The following COASY variants were observed in gnomAD, a reference collection of about 807,000 sequenced individuals.
COASY encodes the protein bifunctional coenzyme A synthase.
Under a neutral mutation model 49.4 loss-of-function variants are expected in COASY, and 31 were observed. The observed-to-expected ratio is 0.63, with a 90% CI of 0.47 to 0.85. The LOEUF (loss-of-function observed/expected upper bound fraction) is 0.85. Among genes scored for constraint, COASY ranks in the 40% least tolerant of loss-of-function variants. The pLI is 0.00. For missense variants in COASY, 730 were observed against 734.1 expected (o/e 0.99, Z 0.06); for synonymous variants, 285 against 310.9 (o/e 0.92, Z 0.88).
chr17:42,565,079 C>G (rs371486284), intron 5 of COASY, 32 bp downstream of exon 5: 36 of 1,609,202 alleles, frequency 2.2e-5, no homozygotes, highest in Non-Finnish European at 3.1e-5. Flanking sequence ...GCTCCTAAGC[C>G]GCTACTAGAC....
chr17:42,562,961 C>T lies in COASY; in HGVS notation c.339C>T (p.Val113=). The change falls in exon 1 of 9, where the codon GTC becomes GTT. Residue 113 remains valine, a synonymous_variant. Coordinates refer to ENST00000393818, the MANE Select transcript of COASY (RefSeq NM_025233.7). ...AGAATCTCGCCCACCCGCCAGAAGT[C>T]GTGTTGACAGATTTCCAGACCCTGG... ...SVQNLAHPPE[V]VLTDFQTLDG... 6.2e-7 allele frequency: 1 copy of T among 1,614,042 alleles called. No homozygotes were observed. The highest frequency in any genetic ancestry group is 1.1e-5 in the South Asian group (1 of 91,088).
intron 1 of COASY, chr17:42,563,717 C>A (rs186871565): frequency 2.4e-5 from 13 of 545,982 alleles, no homozygotes; most frequent in Non-Finnish European, 4.2e-5. Context: ...TGGCACTGCT[C>A]GTTCTCTGGA....
chr17:42,564,273 G>C, intron 2 of COASY, 98 bp downstream of exon 2: 1 of 1,457,498 alleles, frequency 6.9e-7, no homozygotes, highest in Non-Finnish European at 9.5e-7. Flanking sequence ...GAGGAGAGAA[G>C]TGGGGGCTCA....
At position 42,564,501 on chromosome 17, in the gene COASY, C is replaced by T. The variant is rs142799649; in HGVS notation, c.971C>T (p.Thr324Ile). Reference protein sequence around the residue: ...QIQLLKDLRHTENEEDKVSSS... With the variant: ...QIQLLKDLRHIENEEDKVSSS... ...CAGCTGCTGAAGGACCTCAGACATACAGAGAATGAAGAGGACAAAGTCAGC... is the reference window on the plus strand; with the variant it reads ...CAGCTGCTGAAGGACCTCAGACATATAGAGAATGAAGAGGACAAAGTCAGC... The change falls in exon 3 of 9, where the codon ACA (threonine) becomes ATA (isoleucine). Residue 324 changes from threonine to isoleucine, a missense_variant. Thr to Ile is a moderately conservative substitution (Grantham distance 89). Coordinates refer to ENST00000393818, the MANE Select transcript of COASY (RefSeq NM_025233.7). 18 of 1,613,370 alleles carry T rather than the reference C, an allele frequency of 1.1e-5. No homozygotes were observed. In the African/African-American group the frequency reaches 1.7e-4, roughly 16 times the overall value.
At position 42,564,515 on chromosome 17, in the gene COASY, G is replaced by A. The variant is rs775808304; in HGVS notation, c.985G>A (p.Asp329Asn). The change falls in exon 3 of 9, where the codon GAC becomes AAC. Residue 329 changes from aspartate to asparagine, a missense_variant. Transcript: ENST00000393818. The part of the protein sequence containing the change: ...KDLRHTENEE[D>N]KVSSSSFRQR... ...CCTCAGACATACAGAGAATGAAGAG[G>A]ACAAAGTCAGCTCCTCCAGCTTCCG... The A allele has an allele frequency of 1.9e-6, 3 of 1,613,242 alleles. No individual in the cohort carries two copies. Among genetic ancestry groups the A allele is most frequent in the South Asian group, 2.2e-5 (2 of 90,970 alleles).
At position 42,565,252 on chromosome 17, in the gene COASY, T is replaced by C. The variant is rs1045939293; in HGVS notation, c.1328T>C (p.Ile443Thr). 13 of 1,613,930 alleles carry C rather than the reference T, an allele frequency of 8.1e-6. No individual in the cohort carries two copies. The highest frequency in any genetic ancestry group is 1.7e-5 in the Admixed American group (1 of 59,994). Residue 443 changes from isoleucine (I) to threonine (T), a missense_variant, in exon 6 of 9, where the codon ATT becomes ACT. Coordinates refer to ENST00000393818, the MANE Select transcript of COASY (RefSeq NM_025233.7). ...NKKQLKILTD[I>T]MWPIIAKLAR... ...AAGCAGCTGAAGATACTCACGGACATTATGTGGCCAATTATCGCAAAGCTG... is the reference window on the plus strand; with the variant it reads ...AAGCAGCTGAAGATACTCACGGACACTATGTGGCCAATTATCGCAAAGCTG...
At chr17:42,563,390 G>A in intron 1 of COASY, 68 bp downstream of exon 1, 5 of 1,418,876 alleles carry the variant, frequency 3.5e-6, no homozygotes, top group Non-Finnish European at 4.7e-6. Context: ...CCCTTATGCC[G>A]AGATCAAGGA....
chr17:42,565,280 C>G lies in COASY; in HGVS notation c.1356C>G (p.Ala452=). ...TGTGGCCAATTATCGCAAAGCTGGCCCGAGAGGAGATGGATCGGGCTGTGG... is the reference window on the plus strand; with the variant it reads ...TGTGGCCAATTATCGCAAAGCTGGCGCGAGAGGAGATGGATCGGGCTGTGG... ...DIMWPIIAKL[A]REEMDRAVAE... is the part of the protein sequence containing the mutation. Residue 452 remains alanine (A), a synonymous_variant, in exon 6 of 9, where the codon GCC becomes GCG. Coordinates refer to ENST00000393818, the MANE Select transcript of COASY (RefSeq NM_025233.7). 6.2e-7 allele frequency: 1 copy of G among 1,614,078 alleles called. No homozygotes were observed. The highest frequency in any genetic ancestry group is 8.5e-7 in the Non-Finnish European group (1 of 1,180,012).
At position 42,562,148 on chromosome 17, in the gene COASY, G is replaced by T; in HGVS notation, c.-475G>T. ...CGTAGTTCCGAGTTGCGGTTTCTCCGTTAGTGCTTCCGGGTTGCAGCCAGG... is the reference window on the plus strand; with the variant it reads ...CGTAGTTCCGAGTTGCGGTTTCTCCTTTAGTGCTTCCGGGTTGCAGCCAGG... On this transcript the variant is annotated 5_prime_UTR_variant, in exon 1 of 9. Transcript: ENST00000393818. 4.2e-6 allele frequency: 2 copies of T among 476,310 alleles called. No homozygotes were observed. The highest frequency in any genetic ancestry group is 7.5e-6 in the Non-Finnish European group (2 of 267,602). The allele number at this position is 476,310 out of a possible 1,614,324, so 29.5% of individuals were successfully genotyped here.
At position 42,562,292 on chromosome 17, in the gene COASY, G is replaced by A; in HGVS notation, c.-331G>A. 1.2e-6 allele frequency: 1 copy of A among 853,986 alleles called. No homozygotes were observed. The highest frequency in any genetic ancestry group is 1.9e-6 in the Non-Finnish European group (1 of 523,890). The allele number at this position is 853,986 out of a possible 1,614,324, so 52.9% of individuals were successfully genotyped here. On this transcript the variant is annotated 5_prime_UTR_variant, in exon 1 of 9. Transcript: ENST00000393818. ...TCTTCGATTCCTTGAAGACCCTGGT[G>A]CAGCTTAGCAAGAGGGCCCAGGATT...
chr17:42,564,285 G>T, intron 2 of COASY, 110 bp downstream of exon 2: 1 of 1,451,576 alleles, frequency 6.9e-7, no homozygotes, highest in South Asian at 1.2e-5. Context: ...GGGGGCTCAG[G>T]GTGGTGGGAA....
Position 42,562,693 on chromosome 17 carries a change from C to T in COASY, c.71C>T (p.Ser24Phe), listed in dbSNP as rs755132109. Residue 24 changes from serine (S) to phenylalanine (F), a missense_variant, in exon 1 of 9, where the codon TCC becomes TTC. Transcript: ENST00000393818. The part of the protein sequence containing the change: ...PLASLAPRLA[S>F]ILTSAARLVN... ...GCCTCCCTAGCCCCTCGCCTGGCCTCCATCCTGACCTCGGCGGCCCGGCTG... is the reference window on the plus strand; with the variant it reads ...GCCTCCCTAGCCCCTCGCCTGGCCTTCATCCTGACCTCGGCGGCCCGGCTG... 1 of 1,558,216 alleles carries T rather than the reference C, an allele frequency of 6.4e-7. No individual in the cohort carries two copies. Among genetic ancestry groups the T allele is most frequent in the South Asian group, 1.2e-5 (1 of 85,054 alleles).
In COASY at chr17:42,562,379, T is replaced by A; in HGVS notation, c.-244T>A. 2 of 1,606,362 alleles carry A rather than the reference T, an allele frequency of 1.2e-6. No individual in the cohort carries two copies. Among genetic ancestry groups the A allele is most frequent in the Non-Finnish European group, 1.7e-6 (2 of 1,173,576 alleles). On this transcript the variant is annotated 5_prime_UTR_variant, in exon 1 of 9. Coordinates refer to ENST00000393818, the MANE Select transcript of COASY (RefSeq NM_025233.7). ...AGTTTCCCCCTCCCAGGATTTCGACTCAGTTCAGCGAAGTCACCGCCCCGT... is the reference window on the plus strand; with the variant it reads ...AGTTTCCCCCTCCCAGGATTTCGACACAGTTCAGCGAAGTCACCGCCCCGT...
rs879745530 is a variant in COASY, at chr17:42,563,810, C to T, written c.701-151C>T. The T allele has an allele frequency of 5.7e-5, 35 of 617,124 alleles. No individual in the cohort carries two copies. In the Admixed American group the frequency reaches 1.0e-3, roughly 18 times the overall value. The allele number at this position is 617,124 out of a possible 1,614,324, so 38.2% of individuals were successfully genotyped here. On this transcript the variant is annotated intron_variant, in intron 1 of 8. Coordinates refer to ENST00000393818, the MANE Select transcript of COASY (RefSeq NM_025233.7). The stretch of plus-strand genomic sequence containing the variant: ...GCTTGCCTGTTTCTTCACCTTCATG[C>T]TCCCCTCACCATCACCATAGGCCTT...
rs201346715 is a variant in COASY, at chr17:42,564,370, G to C, written c.916-76G>C. 2.3e-5 allele frequency: 37 copies of C among 1,593,378 alleles called. 1 individual carries two copies. Among genetic ancestry groups the C allele is most frequent in the South Asian group, 4.4e-5 (4 of 89,962 alleles). Reference sequence around the variant, plus strand: ...GGAGCCTGGGTAGGAAGGGGAGGATGGGGGGGCAGGTTGGATGTCAGGGTC... The same window carrying C: ...GGAGCCTGGGTAGGAAGGGGAGGATCGGGGGGCAGGTTGGATGTCAGGGTC... On this transcript the variant is annotated intron_variant, in intron 2 of 8. Transcript: ENST00000393818.
At position 42,565,641 on chromosome 17, in the gene COASY, T is replaced by C. The variant is rs538352082; in HGVS notation, c.1486-18T>C. The C allele has an allele frequency of 1.2e-6, 2 of 1,613,962 alleles. No individual in the cohort carries two copies. The highest frequency in any genetic ancestry group is 2.2e-5 in the South Asian group (2 of 91,088). ...GTGAGCTGGAATTCTTCCTGACAAA[T>C]GTCTCGTCTGTGCTCAGGCTGTAAG... On this transcript the variant is annotated intron_variant, in intron 7 of 8. Coordinates refer to ENST00000393818, the MANE Select transcript of COASY (RefSeq NM_025233.7).
rs1416367845 is a variant in COASY, at chr17:42,563,050, G to C, written c.428G>C (p.Cys143Ser). 1.2e-6 allele frequency: 2 copies of C among 1,614,168 alleles called. No homozygotes were observed. The highest frequency in any genetic ancestry group is 3.3e-5 in the Admixed American group (2 of 60,022). Residue 143 changes from cysteine to serine, a missense_variant, in exon 1 of 9, where the codon TGT (cysteine) becomes TCT (serine). Physicochemically the swap from Cys to Ser is moderately radical, Grantham distance 112. Coordinates refer to ENST00000393818, the MANE Select transcript of COASY (RefSeq NM_025233.7). ...CGTTACGCCACCAGCTGTTACAGCT[G>C]TTGTCCGCGACTGGCCTCGGTGCTG... ...LVRYATSCYS[C>S]CPRLASVLLY...
rs560957373 is a variant in COASY, at chr17:42,565,747, T to G, written c.1574T>G (p.Val525Gly). Reference protein sequence around the residue: ...LQSQMSGQQLVEQSHVVLSTL... With the variant: ...LQSQMSGQQLGEQSHVVLSTL... ...AGCCAGATGAGCGGGCAGCAGCTTG[T>G]GGAACAGAGCCACGTGGTGCTCAGC... The change falls in exon 8 of 9, where the codon GTG becomes GGG. Residue 525 changes from valine to glycine, a missense_variant. Val to Gly is a moderately radical substitution (Grantham distance 109). Transcript: ENST00000393818. 1.2e-6 allele frequency: 2 copies of G among 1,613,900 alleles called. No individual in the cohort carries two copies. Among genetic ancestry groups the G allele is most frequent in the South Asian group, 1.1e-5 (1 of 91,088 alleles).
At position 42,565,811 on chromosome 17, in the gene COASY, T is replaced by C. The variant is rs2093001581; in HGVS notation, c.1632+6T>C. 5.6e-6 allele frequency: 9 copies of C among 1,613,902 alleles called. No homozygotes were observed. Among genetic ancestry groups the C allele is most frequent in the Non-Finnish European group, 6.8e-6 (8 of 1,179,988 alleles). Reference sequence around the variant, plus strand: ...CGCATATCACCCAACGCCAGGTTGGTGCCCAGGGCAAGGCCGGGTTGTGGG... The same window carrying C: ...CGCATATCACCCAACGCCAGGTTGGCGCCCAGGGCAAGGCCGGGTTGTGGG... On this transcript the variant is annotated splice_donor_region_variant and intron_variant, in intron 8 of 8. Coordinates refer to ENST00000393818, the MANE Select transcript of COASY (RefSeq NM_025233.7).
Sources: gnomAD v4.1 joint callset for allele counts on GRCh38, gnomAD v4.1.1 for gene constraint, MANE v1.5 for transcripts, NCBI Gene and HGNC (gene_info 2026-07-23, HGNC 2026-07-21) for gene names.